RB1: variants seen among roughly 807,000 people sequenced by gnomAD.
The protein encoded by RB1 is retinoblastoma-associated protein.
Under a neutral mutation model 135.4 loss-of-function variants are expected in RB1, and 18 were observed. That is an observed-to-expected ratio of 0.13 (90% confidence interval 0.09 to 0.20). RB1 has a LOEUF of 0.20. RB1 is among the 10% of genes least tolerant of loss of function. RB1 has a pLI of 1.00. For missense variants in RB1, 868 were observed against 1,110.0 expected (o/e 0.78, Z 3.10); for synonymous variants, 365 against 373.2 (o/e 0.98, Z 0.25).
chr13:48,404,113 C>A (rs1255579334), intron 17 of RB1: 1 of 152,214 alleles, frequency 6.6e-6, no homozygotes, highest in Non-Finnish European at 1.5e-5. Context: ...AAGCCCCATG[C>A]TGTTGTGCAG....
At chr13:48,462,620 G>A (rs1949413323) in intron 20 of RB1, among the ~76,000 whole-genome samples, 1 of 152,114 alleles carries the variant, frequency 6.6e-6, no homozygotes, top group Non-Finnish European at 1.5e-5. Flanking sequence ...TTATGTAGTT[G>A]TTTTCTTGTT....
intron 17 of RB1, among the ~76,000 whole-genome samples, chr13:48,393,919 C>T (rs1948629256): frequency 1.3e-5 from 2 of 152,144 alleles, no homozygotes; most frequent in South Asian, 4.1e-4. Context: ...AAGTACTTGG[C>T]CAACATACTT....
chr13:48,330,903 A>G (rs1952328513), intron 2 of RB1, among the ~76,000 whole-genome samples: 3 of 152,236 alleles, frequency 2.0e-5, no homozygotes, highest in Admixed American at 2.0e-4. Flanking sequence ...AATTGTCAAC[A>G]AAATATTAGC....
Position 48,384,070 on chromosome 13 carries a change from C to T in RB1, c.1695+2627C>T, listed in dbSNP as rs575475468. ...ATTGTTTGTACTCAAGCCTGTTTAG[C>T]TCAGTTATTTAGGGCTTCTAAACAA... On this transcript the variant is annotated intron_variant, in intron 17 of 26. Transcript: ENST00000267163. 5.5e-4 allele frequency among the ~76,000 whole-genome samples: 83 copies of T among 152,228 alleles called. 1 individual carries two copies. Among genetic ancestry groups the T allele is most frequent in the African/African-American group, 1.9e-3 (78 of 41,552 alleles).
Position 48,303,932 on chromosome 13 carries a change from GA to G in RB1, c.25del (p.Thr9ArgfsTer56). 2.0e-6 allele frequency: 3 copies of G among 1,508,618 alleles called. No individual in the cohort carries two copies. The highest frequency in any genetic ancestry group is 1.8e-6 in the Non-Finnish European group (2 of 1,135,764). The allele number at this position is 1,508,618 out of a possible 1,614,324, so 93.5% of individuals were successfully genotyped here. On this transcript the variant is annotated frameshift_variant, in exon 1 of 27. Transcript: ENST00000267163. LOFTEE classifies it high-confidence loss of function. ...GGCGTCATGCCGCCCAAAACCCCCC[GA>G]AAAACGGCCGCCACCGCCGCCGCTG... MPPKTP[R>X]KTAATAAAAA... is the part of the protein sequence containing the mutation.
At chr13:48,315,122 T>C (rs2138045566) in intron 2 of RB1, among the ~76,000 whole-genome samples, 1 of 152,360 alleles carries the variant, frequency 6.6e-6, no homozygotes, top group East Asian at 1.9e-4. Flanking sequence ...TGTAAATTGC[T>C]TTGGGCAGTG....
chr13:48,354,270 T>C (rs1229478928), intron 6 of RB1, among the ~76,000 whole-genome samples: 1 of 152,128 alleles, frequency 6.6e-6, no homozygotes, highest in Non-Finnish European at 1.5e-5. Context: ...CAAAAATCAG[T>C]AATGTTTCTG....
At position 48,463,826 on chromosome 13, in the gene RB1, T is replaced by C. The variant is rs1949420104; in HGVS notation, c.2202T>C (p.Ala734=). Residue 734 remains alanine (A), a synonymous_variant, in exon 21 of 27, where the codon GCT becomes GCC. Transcript: ENST00000267163. ...CAGCATACAAGGATCTTCCTCATGC[T>C]GTTCAGGAGGTAGGTAATTTTCCAT... The part of the protein sequence containing the change: ...IVTAYKDLPH[A]VQETFKRVLI... 3.8e-6 allele frequency: 6 copies of C among 1,593,852 alleles called. No individual in the cohort carries two copies. Among genetic ancestry groups the C allele is most frequent in the Non-Finnish European group, 5.2e-6 (6 of 1,161,814 alleles).
At chr13:48,466,027 C>A (rs1332837437) in intron 23 of RB1, among the ~76,000 whole-genome samples, 1 of 149,508 alleles carries the variant, frequency 6.7e-6, no homozygotes. Flanking sequence ...ACAAAGCAGC[C>A]GGGAAGCTCG....
chr13:48,383,613 G>T (rs140022275), intron 17 of RB1, among the ~76,000 whole-genome samples: 1 of 151,894 alleles, frequency 6.6e-6, no homozygotes, highest in East Asian at 1.9e-4. Flanking sequence ...TTCTTGTATT[G>T]CCATATAGAC....
rs139456549 is a variant in RB1 at position 48,446,497 on chromosome 13, T to G, written c.1696-6496T>G. Among the ~76,000 whole-genome samples, 226 of 152,274 alleles carry G rather than the reference T, an allele frequency of 1.5e-3. 1 individual carries two copies. The highest frequency in any genetic ancestry group is 3.1e-3 in the Admixed American group (48 of 15,288). On this transcript the variant is annotated intron_variant, in intron 17 of 26. Coordinates refer to ENST00000267163, the MANE Select transcript of RB1 (RefSeq NM_000321.3). Reference sequence around the variant, plus strand: ...ATAATAAATAAGAAAATAAATGAATTTATAACATAACCTCAAGTGGTGATC... The same window carrying G: ...ATAATAAATAAGAAAATAAATGAATGTATAACATAACCTCAAGTGGTGATC...
At chr13:48,444,407 C>T (rs1334897109) in intron 17 of RB1, 1 of 152,300 alleles carries the variant, frequency 6.6e-6, no homozygotes, top group Non-Finnish European at 1.5e-5. Context: ...GTCCCAGCTA[C>T]TCCAGAGGCT....
In RB1 at chr13:48,404,636, C is replaced by A. The variant is rs1233958635; in HGVS notation, c.1695+23193C>A. On this transcript the variant is annotated intron_variant, in intron 17 of 26. Coordinates refer to ENST00000267163, the MANE Select transcript of RB1 (RefSeq NM_000321.3). ...CTGCCTCCTAGGTTCAAACGATTCT[C>A]CTGCCTTAGCCTCCTGAGTAGCTGG... 8.4e-4 allele frequency among the ~76,000 whole-genome samples: 128 copies of A among 152,172 alleles called. 2 individuals are homozygous for A. The highest frequency in any genetic ancestry group is 5.9e-5 in the Non-Finnish European group (4 of 68,014).
chr13:48,475,064 G>A (rs1452045337), intron 24 of RB1, among the ~76,000 whole-genome samples: 4 of 152,020 alleles, frequency 2.6e-5, no homozygotes. Flanking sequence ...TGTAGAGACA[G>A]GGTTTTCTAT....
At chr13:48,318,532 C>A in intron 2 of RB1, 1 of 857,398 alleles carries the variant, frequency 1.2e-6, no homozygotes, top group Non-Finnish European at 1.8e-6. Flanking sequence ...CCCTTGGCTG[C>A]GCCCTCCCCT....
intron 17 of RB1, among the ~76,000 whole-genome samples, chr13:48,405,312 G>A (rs561413405): frequency 6.6e-6 from 1 of 152,246 alleles, no homozygotes; most frequent in South Asian, 2.1e-4. Flanking sequence ...GATAAATCAA[G>A]TAATAAGAGT....
intron 17 of RB1, among the ~76,000 whole-genome samples, chr13:48,414,953 A>C (rs1043662681): frequency 3.3e-5 from 5 of 152,112 alleles, no homozygotes; most frequent in African/African-American, 1.2e-4. Flanking sequence ...TTGTATTCTC[A>C]TTGGAAAAAA....
chr13:48,449,845 ATGT>A (rs375710067), intron 17 of RB1, among the ~76,000 whole-genome samples: 205 of 152,272 alleles, frequency 1.3e-3, no homozygotes, highest in African/African-American at 4.5e-3. Context: ...TCTTTAACCA[ATGT>A]TGTTTATCTT....
rs78671122 is a variant in RB1 at position 48,319,876 on chromosome 13, C to T, written c.264+12470C>T. 2,955 of 338,742 alleles carry T rather than the reference C, an allele frequency of 8.7e-3. 80 individuals carry two copies. Among genetic ancestry groups the T allele is most frequent in the African/African-American group, 0.06 (2,762 of 46,042 alleles). 21.0% of individuals were successfully genotyped at this position (338,742 alleles called of 1,614,324 possible). ...CGGGAAGGCAGAACCCTAGTCCTCA[C>T]TGGATCTCACCTGGCTGCCAGGGCC... On this transcript the variant is annotated intron_variant, in intron 2 of 26. Transcript: ENST00000267163. This position sits in a 1 kb window ranked among gnomAD's most constrained non-coding sequence, Gnocchi z 5.0.
Sources: allele counts gnomAD v4.1 joint callset (sites outside exome capture counted in the v4.1 genomes callset), GRCh38; gene constraint gnomAD v4.1.1; non-coding constraint Gnocchi (gnomAD v3.1); transcripts MANE v1.5; gene names NCBI Gene and HGNC (gene_info 2026-07-23, HGNC 2026-07-21).